The following TMCO5A variants were observed in gnomAD, a reference collection of about 807,000 sequenced individuals.
The protein encoded by TMCO5A is transmembrane and coiled-coil domains 5A.
Under a neutral mutation model 42.3 loss-of-function variants are expected in TMCO5A, and 34 were observed. That is an observed-to-expected ratio of 0.80 (90% confidence interval 0.61 to 1.07). The LOEUF is 1.07. TMCO5A is among the 50% of genes least tolerant of loss of function. TMCO5A has a pLI of 0.00. For missense variants in TMCO5A, 357 were observed against 327.9 expected (o/e 1.09, Z -0.69); for synonymous variants, 131 against 115.6 (o/e 1.13, Z -0.86).
intron 10 of TMCO5A, chr15:37,943,903 T>C (rs59656994): frequency 0.016 from 2,491 of 153,648 alleles, 75 homozygotes; most frequent in African/African-American, 0.057. Flanking sequence ...TCATATTTAA[T>C]ATAGCAAAGC....
chr15:38,024,025 G>T, the TMCO5A span, among the ~76,000 whole-genome samples: 1 of 151,594 alleles, frequency 6.6e-6, no homozygotes, highest in South Asian at 2.1e-4. Flanking sequence ...TCAATTTTCA[G>T]ATATTAAACA....
At chr15:37,947,601 T>C in intron 10 of TMCO5A, 55 bp from the exon 11 acceptor site, 3 of 1,137,136 alleles carry the variant, frequency 2.6e-6, no homozygotes, top group South Asian at 2.7e-5. Context: ...TATTATTGGA[T>C]GATGATAATA....
intron 11 of TMCO5A, among the ~76,000 whole-genome samples, chr15:37,960,219 G>T (rs956503804): frequency 3.3e-5 from 5 of 151,604 alleles, no homozygotes; most frequent in Non-Finnish European, 5.9e-5. Context: ...AAAGTCCATT[G>T]TATCATTCTT....
At chr15:37,987,187 G>A in the TMCO5A span, among the ~76,000 whole-genome samples, 1 of 151,884 alleles carries the variant, frequency 6.6e-6, no homozygotes, top group Non-Finnish European at 1.5e-5. Context: ...TGTGCTTACT[G>A]ACCATTTGTT....
At chr15:37,963,419 T>C (rs1168526787) in intron 11 of TMCO5A, among the ~76,000 whole-genome samples, 2 of 152,176 alleles carry the variant, frequency 1.3e-5, no homozygotes, top group Non-Finnish European at 2.9e-5. Flanking sequence ...GAGAGAGTGC[T>C]TGATATAATT....
intron 10 of TMCO5A, among the ~76,000 whole-genome samples, chr15:37,945,056 G>A (rs1889893495): frequency 6.6e-6 from 1 of 152,000 alleles, no homozygotes; most frequent in African/African-American, 2.4e-5. Flanking sequence ...GCTCCAGTGT[G>A]TGTTGTTCCC....
intron 11 of TMCO5A, among the ~76,000 whole-genome samples, chr15:37,956,476 A>G (rs1412591770): frequency 1.3e-5 from 2 of 152,238 alleles, no homozygotes; most frequent in East Asian, 3.8e-4. Flanking sequence ...TATGCAAATA[A>G]ACTAGAAAAT....
chr15:38,013,958 T>A, the TMCO5A span, among the ~76,000 whole-genome samples: 4 of 152,172 alleles, frequency 2.6e-5, no homozygotes, highest in African/African-American at 9.7e-5. Context: ...TCTTGGCTCA[T>A]GACTCCTTCT....
chr15:38,014,596 TAGAG>T, the TMCO5A span, among the ~76,000 whole-genome samples: 4 of 152,202 alleles, frequency 2.6e-5, no homozygotes, highest in East Asian at 1.9e-4. Flanking sequence ...TCTGAATTGA[TAGAG>T]AGAGGTGAAA....
At chr15:37,970,931 C>T (rs976411837), downstream of TMCO5A, among the ~76,000 whole-genome samples, 4 of 152,318 alleles carry the variant, frequency 2.6e-5, no homozygotes, top group African/African-American at 9.6e-5. Context: ...CTTTCATGGC[C>T]TGGCATTGAG....
At chr15:38,022,090 G>A in the TMCO5A span, among the ~76,000 whole-genome samples, 1 of 152,120 alleles carries the variant, frequency 6.6e-6, no homozygotes. Context: ...GATTACAGGC[G>A]TGAGCCATCA....
chr15:37,972,745 A>T, the TMCO5A span, among the ~76,000 whole-genome samples: 1 of 152,080 alleles, frequency 6.6e-6, no homozygotes, highest in African/African-American at 2.4e-5. Context: ...TACTCTGTTG[A>T]TAATTTCTTT....
downstream of TMCO5A, among the ~76,000 whole-genome samples, chr15:37,955,806 C>T (rs144957575): frequency 0.042 from 6,403 of 152,158 alleles, 199 homozygotes; most frequent in Non-Finnish European, 0.063. Flanking sequence ...TTCTCAGCAC[C>T]ACACTGCACT....
At chr15:37,979,668 G>A in the TMCO5A span, among the ~76,000 whole-genome samples, 1 of 152,024 alleles carries the variant, frequency 6.6e-6, no homozygotes, top group Admixed American at 6.5e-5. Flanking sequence ...TAAGGCAGCT[G>A]TGCTCGGTGG....
intron 10 of TMCO5A, chr15:37,943,615 G>T (rs549836867): frequency 4.1e-5 from 21 of 515,306 alleles, no homozygotes; most frequent in Non-Finnish European, 6.5e-5. Flanking sequence ...CAAATAACAG[G>T]CTCTCAAAAA....
At chr15:38,029,074 G>A in the TMCO5A span, among the ~76,000 whole-genome samples, 7 of 152,132 alleles carry the variant, frequency 4.6e-5, no homozygotes, top group South Asian at 1.2e-3. Context: ...TTCTGTAGGA[G>A]GCAAGGAGGA....
At chr15:38,023,074 A>C in the TMCO5A span, among the ~76,000 whole-genome samples, 1 of 152,200 alleles carries the variant, frequency 6.6e-6, no homozygotes, top group African/African-American at 2.4e-5. Flanking sequence ...GAGTCTAAAG[A>C]TCATCTGGAA....
the TMCO5A span, among the ~76,000 whole-genome samples, chr15:38,037,082 T>C: frequency 6.6e-6 from 1 of 152,194 alleles, no homozygotes; most frequent in Non-Finnish European, 1.5e-5. Flanking sequence ...TAAATTAGAC[T>C]GAAAATCAGC....
At chr15:37,937,072 G>A in intron 4 of TMCO5A, 102 bp downstream of exon 4, 1 of 1,501,324 alleles carries the variant, frequency 6.7e-7, no homozygotes, top group Non-Finnish European at 9.0e-7. Context: ...TACATGAACA[G>A]TAGCCATCTC....
Sources: gnomAD v4.1 joint callset for allele counts (sites outside exome capture counted in the v4.1 genomes callset) on GRCh38, gnomAD v4.1.1 for gene constraint, MANE v1.5 for transcripts, NCBI Gene and HGNC (gene_info 2026-07-23, HGNC 2026-07-21) for gene names.